Variants in MTHFD1L observed in about 807,000 individuals in gnomAD.
MTHFD1L encodes the protein methylenetetrahydrofolate dehydrogenase (NADP+ dependent) 1 like, also known as monofunctional C1-tetrahydrofolate synthase, mitochondrial.
MTHFD1L carries 81 observed loss-of-function variants against 119.5 expected under a neutral mutation model. That is an observed-to-expected ratio of 0.68 (90% CI 0.57 to 0.82). The LOEUF is 0.82. Among genes scored for constraint, MTHFD1L ranks in the 40% least tolerant of loss-of-function variants. The pLI is 0.00. For missense variants in MTHFD1L, 1,125 were observed against 1,253.4 expected, an observed-to-expected ratio of 0.90 and a Z score of 1.55; for synonymous variants, 430 against 475.2, an observed-to-expected ratio of 0.90 and a Z score of 1.24.
chr6:151,004,018 A>G (rs1490930297), intron 20 of MTHFD1L, among the ~76,000 whole-genome samples: 1 of 150,102 alleles, frequency 6.7e-6, no homozygotes, highest in Non-Finnish European at 1.5e-5. Flanking sequence ...TAAAAAAAAA[A>G]AAAAAAAAAG....
chr6:151,065,521 G>A (rs570909064), intron 26 of MTHFD1L, among the ~76,000 whole-genome samples: 52 of 152,244 alleles, frequency 3.4e-4, no homozygotes, highest in Non-Finnish European at 6.3e-4. Flanking sequence ...AGCCACAGCT[G>A]GATCCAGCCT....
At chr6:150,872,800 T>G (rs1006725627) in intron 1 of MTHFD1L, among the ~76,000 whole-genome samples, 2 of 151,936 alleles carry the variant, frequency 1.3e-5, no homozygotes. Flanking sequence ...CCTGTATTTT[T>G]TTTTCTATCC....
chr6:151,045,412 C>G (rs1787844196), intron 26 of MTHFD1L, among the ~76,000 whole-genome samples: 1 of 152,130 alleles, frequency 6.6e-6, no homozygotes, highest in Non-Finnish European at 1.5e-5. Context: ...CCCCCTCTCT[C>G]CACTTTCCCT....
At chr6:150,890,362 G>A (rs1394264981) in intron 7 of MTHFD1L, among the ~76,000 whole-genome samples, 1 of 152,102 alleles carries the variant, frequency 6.6e-6, no homozygotes, top group Non-Finnish European at 1.5e-5. Flanking sequence ...TCAGGGCTGA[G>A]TTGGCTCCAT....
At chr6:150,895,851 T>A (rs1784127333) in intron 7 of MTHFD1L, among the ~76,000 whole-genome samples, 1 of 152,216 alleles carries the variant, frequency 6.6e-6, no homozygotes, top group East Asian at 1.9e-4. Context: ...ACATGACAAT[T>A]CTCCTTTTAA....
At chr6:150,913,944 G>A (rs768316138) in intron 8 of MTHFD1L, among the ~76,000 whole-genome samples, 1 of 152,038 alleles carries the variant, frequency 6.6e-6, no homozygotes, top group Non-Finnish European at 1.5e-5. Context: ...CAGCCTGGCC[G>A]TGGTGAAACC....
At chr6:151,050,236 C>A (rs1423742194) in intron 26 of MTHFD1L, among the ~76,000 whole-genome samples, 1 of 152,196 alleles carries the variant, frequency 6.6e-6, no homozygotes, top group African/African-American at 2.4e-5. Context: ...GATCTTGGCT[C>A]CCTGCTACCT....
At chr6:150,948,975 C>T (rs974643699) in intron 15 of MTHFD1L, 56 bp from the exon 16 acceptor site, 7 of 1,407,922 alleles carry the variant, frequency 5.0e-6, no homozygotes, top group African/African-American at 4.2e-5. Context: ...ATTTTGGTGA[C>T]CCTTTGCTTT....
At chr6:151,098,445 C>T (rs2128665976) in intron 27 of MTHFD1L, among the ~76,000 whole-genome samples, 1 of 152,278 alleles carries the variant, frequency 6.6e-6, no homozygotes, top group Non-Finnish European at 1.5e-5. Context: ...GGCGCCAAGG[C>T]ATCACCCTGA....
chr6:150,891,573 A>G (rs1783289229), intron 7 of MTHFD1L, among the ~76,000 whole-genome samples: 2 of 148,738 alleles, frequency 1.3e-5, no homozygotes, highest in African/African-American at 2.4e-5. Flanking sequence ...ATCCTTATAT[A>G]TATATTAGGA....
chr6:150,911,847 A>G (rs1786951372), intron 8 of MTHFD1L, among the ~76,000 whole-genome samples: 1 of 152,168 alleles, frequency 6.6e-6, no homozygotes. Flanking sequence ...TGATAAAACC[A>G]TCTGATCTCA....
At chr6:151,034,656 C>A (rs1450772982) in intron 25 of MTHFD1L, 56 bp downstream of exon 25, 1 of 1,087,388 alleles carries the variant, frequency 9.2e-7, no homozygotes. Context: ...TCTCAGAATA[C>A]TCAGCTTGAC....
chr6:151,024,490 C>G (rs1014949933), intron 24 of MTHFD1L, among the ~76,000 whole-genome samples: 6 of 151,952 alleles, frequency 3.9e-5, no homozygotes, highest in African/African-American at 7.3e-5. Flanking sequence ...TTGCAGTGAG[C>G]CAAGATCACC....
chr6:150,866,478 C>G, intron 1 of MTHFD1L: 3 of 1,316,622 alleles, frequency 2.3e-6, no homozygotes, highest in Non-Finnish European at 2.9e-6. Context: ...CCGGCTGGCC[C>G]GGGGTTCGGG....
chr6:151,094,939 T>G (rs2128659851), intron 27 of MTHFD1L, among the ~76,000 whole-genome samples: 1 of 152,324 alleles, frequency 6.6e-6, no homozygotes. Flanking sequence ...CTGGCCAAGT[T>G]TTTTTGTTGA....
chr6:150,875,462 G>A (rs1780284394), intron 1 of MTHFD1L, among the ~76,000 whole-genome samples: 1 of 152,052 alleles, frequency 6.6e-6, no homozygotes, highest in Non-Finnish European at 1.5e-5. Context: ...ACTATGTTGT[G>A]GATTCTCAGA....
intron 26 of MTHFD1L, among the ~76,000 whole-genome samples, chr6:151,047,605 G>A (rs2346504): frequency 6.6e-6 from 1 of 152,174 alleles, no homozygotes; most frequent in African/African-American, 2.4e-5. Context: ...GAGACCTACA[G>A]CTGGGAACAA....
intron 8 of MTHFD1L, among the ~76,000 whole-genome samples, chr6:150,917,436 G>A (rs573111598): frequency 1.3e-5 from 2 of 152,124 alleles, no homozygotes; most frequent in South Asian, 2.1e-4. Context: ...GTTGCGGTGA[G>A]CTGAGATCGT....
rs746036989 is a variant in MTHFD1L, at chr6:150,956,036, G to A, written c.1768G>A (p.Gly590Arg). 5.6e-6 allele frequency: 9 copies of A among 1,613,936 alleles called. No homozygotes were observed. Among genetic ancestry groups the A allele is most frequent in the East Asian group, 2.2e-5 (1 of 44,888 alleles). Residue 590 changes from glycine (G) to arginine (R), a missense_variant, in exon 17 of 28, where the codon GGG becomes AGG. Gly to Arg is a moderately radical substitution (Grantham distance 125). Transcript: ENST00000367321. ...CCGATTTCTACGAAAAATAACCATC[G>A]GGCAGGGAAACACAGAGAAGGGCCA... is the stretch of plus-strand genomic sequence containing the variant. The part of the protein sequence containing the change: ...NDRFLRKITI[G>R]QGNTEKGHYR...
Sources: gnomAD v4.1 joint callset for allele counts (sites outside exome capture counted in the v4.1 genomes callset) on GRCh38, gnomAD v4.1.1 for gene constraint, MANE v1.5 for transcripts, NCBI Gene and HGNC (gene_info 2026-07-23, HGNC 2026-07-21) for gene names.